The following HECW2 variants were observed in gnomAD, a reference collection of about 807,000 sequenced individuals.
The protein encoded by HECW2 is E3 ubiquitin-protein ligase HECW2.
HECW2 carries 61 observed loss-of-function variants against 175.2 expected under a neutral mutation model. The observed-to-expected ratio is 0.35, with a 90% CI of 0.28 to 0.43. HECW2 has a LOEUF of 0.43. Ranked by LOEUF, HECW2 falls within the 20% of genes least tolerant of loss-of-function variation. The probability of loss-of-function intolerance (pLI) is 1.00; values close to 1 mark genes in which losing one functional copy is unlikely to be tolerated. For missense variants in HECW2, 1,524 were observed against 2,000.5 expected (o/e 0.76, Z 4.54); for synonymous variants, 671 against 731.0 (o/e 0.92, Z 1.32).
chr2:196,388,526 G>T (rs1191127147), intron 2 of HECW2, among the ~76,000 whole-genome samples: 2 of 152,104 alleles, frequency 1.3e-5, no homozygotes, highest in African/African-American at 2.4e-5. Context: ...GACACAGAAG[G>T]TACGTAATAT....
At chr2:196,489,362 A>C (rs1687112738) in intron 1 of HECW2, among the ~76,000 whole-genome samples, 1 of 152,190 alleles carries the variant, frequency 6.6e-6, no homozygotes, top group Non-Finnish European at 1.5e-5. Context: ...TTTTCTTCTA[A>C]GGTCCTCAAA....
intron 14 of HECW2, among the ~76,000 whole-genome samples, chr2:196,283,636 C>T (rs1036889884): frequency 2.6e-5 from 4 of 152,066 alleles, no homozygotes; most frequent in African/African-American, 4.8e-5. Flanking sequence ...CTGCTTTGGC[C>T]TCTCAAAGTG....
intron 2 of HECW2, among the ~76,000 whole-genome samples, chr2:196,389,146 T>C (rs1373133331): frequency 6.6e-6 from 1 of 152,204 alleles, no homozygotes; most frequent in African/African-American, 2.4e-5. Flanking sequence ...TATCTGGTTT[T>C]ACAAATTTTT....
Position 196,318,890 on chromosome 2 carries a change from C to A in HECW2, c.2000G>T (p.Arg667Leu). ...AGAAAAGGCTGGGGTTTCAGGAAAC[C>A]GTGCGCTCTCAAGAGAGGAGCACCG... The part of the protein sequence containing the change: ...DTRCSSLESA[R>L]FPETPAFSSQ... The change falls in exon 9 of 29, where the codon CGG (arginine) becomes CTG (leucine). Residue 667 changes from arginine (R) to leucine (L), a missense_variant. Coordinates refer to ENST00000644978, the MANE Select transcript of HECW2 (RefSeq NM_001348768.2). 2 of 1,561,676 alleles carry A rather than the reference C, an allele frequency of 1.3e-6. No individual in the cohort carries two copies. The highest frequency in any genetic ancestry group is 8.7e-7 in the Non-Finnish European group (1 of 1,153,180).
chr2:196,331,063 G>A, intron 4 of HECW2: 1 of 726,776 alleles, frequency 1.4e-6, no homozygotes, highest in Non-Finnish European at 1.7e-6. Context: ...AAATTTTGAA[G>A]TATAAATTTC....
At chr2:196,264,729 T>C (rs1219904612) in intron 17 of HECW2, among the ~76,000 whole-genome samples, 1 of 152,178 alleles carries the variant, frequency 6.6e-6, no homozygotes, top group Non-Finnish European at 1.5e-5. Context: ...ATTCCATGCA[T>C]CAAAAATGTG....
At chr2:196,463,835 GCC>G (rs1236165552) in intron 1 of HECW2, among the ~76,000 whole-genome samples, 2 of 152,130 alleles carry the variant, frequency 1.3e-5, no homozygotes, top group Non-Finnish European at 2.9e-5. Flanking sequence ...GGGGCAACGA[GCC>G]CAACTAGCAA....
chr2:196,441,645 C>T (rs1696048583), intron 1 of HECW2, among the ~76,000 whole-genome samples: 2 of 152,060 alleles, frequency 1.3e-5, no homozygotes, highest in Admixed American at 1.3e-4. Flanking sequence ...AGTGGATTTC[C>T]CCTGTGTGTA....
At chr2:196,304,462 A>T (rs1691187370) in intron 13 of HECW2, among the ~76,000 whole-genome samples, 1 of 152,166 alleles carries the variant, frequency 6.6e-6, no homozygotes, top group Middle Eastern at 3.2e-3. Context: ...CAGTACCTGC[A>T]TTATCTTTTT....
intron 28 of HECW2, among the ~76,000 whole-genome samples, chr2:196,209,761 C>T (rs113141866): frequency 0.01 from 1,441 of 138,916 alleles, 34 homozygotes; most frequent in African/African-American, 0.038. Flanking sequence ...TTCTTTCTTT[C>T]TTTCTTTTTT....
chr2:196,271,212 T>C lies in HECW2; in HGVS notation c.3316A>G (p.Thr1106Ala). 1.2e-6 allele frequency: 2 copies of C among 1,603,406 alleles called. No homozygotes were observed. The highest frequency in any genetic ancestry group is 1.7e-6 in the Non-Finnish European group (2 of 1,170,320). ...EILQERQPDL[T>A]RNHSLREKIQ... is the part of the protein sequence containing the mutation. ...TGTTACCTGAGTGAGTGATTCCTGG[T>C]AAGATCAGGTTGACGCTCCTGTAGA... is the stretch of plus-strand genomic sequence containing the variant. The change falls in exon 17 of 29, where the codon ACC becomes GCC. Residue 1106 changes from threonine (T) to alanine (A), a missense_variant. By Grantham distance (58) the Thr-to-Ala change is moderately conservative (BLOSUM62 0). This residue lies in a region of HECW2 where 291 missense variants were observed against 412.2 expected (regional missense o/e 0.71). Coordinates refer to ENST00000644978, the MANE Select transcript of HECW2 (RefSeq NM_001348768.2).
At chr2:196,480,206 G>T (rs1686793280) in intron 1 of HECW2, among the ~76,000 whole-genome samples, 1 of 151,950 alleles carries the variant, frequency 6.6e-6, no homozygotes, top group Non-Finnish European at 1.5e-5. Flanking sequence ...TCAGTTTGGG[G>T]GGTCCCTCTC....
intron 17 of HECW2, among the ~76,000 whole-genome samples, chr2:196,261,089 G>A (rs1689272695): frequency 6.6e-6 from 1 of 152,016 alleles, no homozygotes; most frequent in African/African-American, 2.4e-5. Context: ...AGGCTGTCAG[G>A]GCCTTGATGT....
chr2:196,586,614 T>C (rs1690986365), intron 1 of HECW2: 1 of 152,168 alleles, frequency 6.6e-6, no homozygotes, highest in Non-Finnish European at 1.5e-5. Flanking sequence ...GGGTAGCATG[T>C]GGATTGGCTT....
chr2:196,442,024 A>G lies in HECW2; in HGVS notation c.-35-8566T>C, dbSNP rs1696058186. Among the ~76,000 whole-genome samples the G allele has an allele frequency of 4.6e-5, 7 of 152,356 alleles. No homozygotes were observed. The South Asian group carries it at 1.4e-3, about 32-fold the overall frequency. Reference sequence around the variant, plus strand: ...GTAAATTTGGAAAAGGGATGTACACAAATAGAAATAATTTTAAGTTCCAAA... The same window carrying G: ...GTAAATTTGGAAAAGGGATGTACACGAATAGAAATAATTTTAAGTTCCAAA... On this transcript the variant is annotated intron_variant, in intron 1 of 28. Transcript: ENST00000644978.
chr2:196,480,743 T>G (rs1166952638), intron 1 of HECW2, among the ~76,000 whole-genome samples: 4 of 152,160 alleles, frequency 2.6e-5, no homozygotes. Context: ...GTAAAAAATA[T>G]TCTCTTCTTG....
At chr2:196,507,167 T>C (rs59412850) in intron 1 of HECW2, among the ~76,000 whole-genome samples, 2 of 5,210 alleles carry the variant, frequency 3.8e-4, no homozygotes, top group African/African-American at 5.9e-4. Context: ...ACACACACTA[T>C]GTGTATATTA....
intron 2 of HECW2, among the ~76,000 whole-genome samples, chr2:196,351,101 T>C (rs897391137): frequency 1.3e-5 from 2 of 152,200 alleles, no homozygotes; most frequent in African/African-American, 4.8e-5. Flanking sequence ...CAGGAGATTA[T>C]CCTTTTCTTC....
At chr2:196,212,102 G>A (rs564746087) in intron 28 of HECW2, among the ~76,000 whole-genome samples, 1 of 152,294 alleles carries the variant, frequency 6.6e-6, no homozygotes, top group South Asian at 2.1e-4. Context: ...CTCCCAAAGT[G>A]CTGGGATTAC....
Sources: allele counts gnomAD v4.1 joint callset (sites outside exome capture counted in the v4.1 genomes callset), GRCh38; gene constraint gnomAD v4.1.1; regional missense constraint gnomAD v4.1.1; transcripts MANE v1.5; gene names NCBI Gene and HGNC (gene_info 2026-07-23, HGNC 2026-07-21).